PLCB1: variants seen among roughly 807,000 people sequenced by gnomAD.
PLCB1 encodes phospholipase C beta 1.
Under a neutral mutation model 161.8 loss-of-function variants are expected in PLCB1, and 46 were observed. That is an observed-to-expected ratio of 0.28 (90% CI 0.22 to 0.36). The LOEUF (loss-of-function observed/expected upper bound fraction) is 0.36, where lower values mean the gene tolerates loss of function less well. Among genes scored for constraint, PLCB1 ranks in the 10% least tolerant of loss-of-function variants. PLCB1 has a pLI of 1.00. For missense variants in PLCB1, 1,016 were observed against 1,472.5 expected (o/e 0.69, Z 5.07); for synonymous variants, 517 against 503.7 (o/e 1.03, Z -0.35).
intron 3 of PLCB1, among the ~76,000 whole-genome samples, chr20:8,420,910 A>T (rs533686691): frequency 1.3e-5 from 2 of 152,282 alleles, no homozygotes; most frequent in African/African-American, 4.8e-5. Context: ...ATCTTACTGG[A>T]AGTACATAAA....
At chr20:8,362,440 T>A (rs777971758) in intron 2 of PLCB1, among the ~76,000 whole-genome samples, 4 of 152,150 alleles carry the variant, frequency 2.6e-5, no homozygotes, top group Admixed American at 6.5e-5. Flanking sequence ...TCCCTCAGAG[T>A]CATAGATGCA....
At chr20:8,600,966 C>A (rs6086530) in intron 3 of PLCB1, among the ~76,000 whole-genome samples, 1 of 151,994 alleles carries the variant, frequency 6.6e-6, no homozygotes, top group Non-Finnish European at 1.5e-5. Flanking sequence ...AGCTCGCGCA[C>A]GGTGCGCGCA....
chr20:8,466,379 C>T (rs960323454), intron 3 of PLCB1, among the ~76,000 whole-genome samples: 10 of 150,058 alleles, frequency 6.7e-5, no homozygotes, highest in East Asian at 2.0e-4. Context: ...TGCTAGATGA[C>T]GAGTTAGTGG....
intron 3 of PLCB1, among the ~76,000 whole-genome samples, chr20:8,554,445 T>C (rs1985882220): frequency 6.6e-6 from 1 of 152,162 alleles, no homozygotes. Context: ...GAATTGCTAA[T>C]GCATTCAGTC....
In PLCB1 at chr20:8,381,817, A is replaced by G. The variant is rs1987261737; in HGVS notation, c.246+10367A>G. ...CCCTTTATCATTTTTTAGTGTGTCC[A>G]TTTGATTCTTCTCTCTTTTCTTCTT... On this transcript the variant is annotated intron_variant, in intron 3 of 31. Coordinates refer to ENST00000338037, the MANE Select transcript of PLCB1 (RefSeq NM_015192.4). Among the ~76,000 whole-genome samples the G allele has an allele frequency of 3.3e-5, 5 of 152,166 alleles. No homozygotes were observed. In the South Asian group the frequency reaches 1.0e-3, roughly 32 times the overall value.
At chr20:8,746,625 G>T (rs183659387) in intron 23 of PLCB1, among the ~76,000 whole-genome samples, 1 of 152,258 alleles carries the variant, frequency 6.6e-6, no homozygotes, top group African/African-American at 2.4e-5. Flanking sequence ...GATTACAGGG[G>T]TGGTTCACCA....
intron 3 of PLCB1, among the ~76,000 whole-genome samples, chr20:8,516,102 C>T (rs1283019965): frequency 1.3e-5 from 2 of 151,930 alleles, no homozygotes; most frequent in Non-Finnish European, 2.9e-5. Flanking sequence ...CAGGAAAGAC[C>T]CTCCCCCCTG....
intron 17 of PLCB1, among the ~76,000 whole-genome samples, chr20:8,728,139 TGATA>T (rs1324885675): frequency 9.2e-5 from 14 of 152,256 alleles, no homozygotes; most frequent in Admixed American, 4.6e-4. Flanking sequence ...ATTGACTGTG[TGATA>T]GATCTTGTCT....
chr20:8,508,509 C>A (rs751397181), intron 3 of PLCB1, among the ~76,000 whole-genome samples: 2 of 152,134 alleles, frequency 1.3e-5, no homozygotes, highest in African/African-American at 4.8e-5. Context: ...GATGGCTGTA[C>A]GTACTATCCT....
chr20:8,684,981 C>T lies in PLCB1; in HGVS notation c.912C>T (p.Asn304=), dbSNP rs374061975. 28 of 1,613,348 alleles carry T rather than the reference C, an allele frequency of 1.7e-5. No individual in the cohort carries two copies. Among genetic ancestry groups the T allele is most frequent in the Middle Eastern group, 1.6e-4 (1 of 6,084 alleles). The part of the protein sequence containing the change: ...GFMRYLSGEE[N]GVVSPEKLDL... ...TGCGCTATCTGAGTGGAGAAGAAAA[C>T]GGAGTCGTTTCACCTGAGAAACTGG... Residue 304 remains asparagine (N), a synonymous_variant, in exon 10 of 32, where the codon AAC becomes AAT. Transcript: ENST00000338037.
intron 10 of PLCB1, among the ~76,000 whole-genome samples, chr20:8,689,972 T>TTTTTTTTTTTTTTTTTTTTTTTTTG (rs1461954269): frequency 7.1e-6 from 1 of 140,088 alleles, no homozygotes; most frequent in South Asian, 2.4e-4. Context: ...CAAATTTCTG[T>TTTTTTTTTTTTTTTTTTTTTTTTTG]ACAATGGTTT....
At chr20:8,544,199 A>T (rs2423378) in intron 3 of PLCB1, among the ~76,000 whole-genome samples, 44,548 of 151,722 alleles carry the variant, frequency 0.29, 6,954 homozygotes, top group Non-Finnish European at 0.33. Context: ...AAAAAGGCAG[A>T]TGAGAGAACA....
chr20:8,272,216 G>T (rs1982321577), intron 2 of PLCB1, among the ~76,000 whole-genome samples: 1 of 152,048 alleles, frequency 6.6e-6, no homozygotes, highest in Non-Finnish European at 1.5e-5. Context: ...TGTTTACTTG[G>T]AAAGATCATT....
At chr20:8,704,307 TC>T (rs1978540498) in intron 11 of PLCB1, among the ~76,000 whole-genome samples, 1 of 151,154 alleles carries the variant, frequency 6.6e-6, no homozygotes, top group Admixed American at 6.6e-5. Context: ...TGAGCCAAGA[TC>T]ATGCTACAGC....
At chr20:8,412,839 G>A (rs1176938754) in intron 3 of PLCB1, among the ~76,000 whole-genome samples, 2 of 152,000 alleles carry the variant, frequency 1.3e-5, no homozygotes, top group Non-Finnish European at 2.9e-5. Context: ...AAAACAACAT[G>A]GAGGAAACAC....
chr20:8,416,610 A>G (rs1347546397), intron 3 of PLCB1, among the ~76,000 whole-genome samples: 1 of 152,254 alleles, frequency 6.6e-6, no homozygotes, highest in East Asian at 1.9e-4. Flanking sequence ...TCACAGGAGT[A>G]GGGCTTGTAA....
At chr20:8,765,860 A>G (rs1401082462) in intron 26 of PLCB1, among the ~76,000 whole-genome samples, 1 of 152,070 alleles carries the variant, frequency 6.6e-6, no homozygotes, top group Non-Finnish European at 1.5e-5. Context: ...TTGTATTTTT[A>G]GTAGAGATGG....
chr20:8,178,424 G>T (rs1346147052), intron 2 of PLCB1, among the ~76,000 whole-genome samples: 7 of 152,078 alleles, frequency 4.6e-5, no homozygotes, highest in African/African-American at 1.4e-4. Context: ...TCATGTGCTT[G>T]TTGGTCATGT....
intron 3 of PLCB1, among the ~76,000 whole-genome samples, chr20:8,381,717 T>C (rs371746676): frequency 1.3e-5 from 2 of 152,358 alleles, no homozygotes; most frequent in South Asian, 2.1e-4. Flanking sequence ...CTAGATTTTC[T>C]AGTTTATTCG....
Sources: gnomAD v4.1 joint callset for allele counts (sites outside exome capture counted in the v4.1 genomes callset) on GRCh38, gnomAD v4.1.1 for gene constraint, MANE v1.5 for transcripts, NCBI Gene and HGNC (gene_info 2026-07-23, HGNC 2026-07-21) for gene names.